Variants in AFF2 observed in about 807,000 individuals in gnomAD.
The protein encoded by AFF2 is AF4/FMR2 family member 2.
A neutral mutation model predicts 76.9 loss-of-function variants in AFF2; 14 were observed. The observed-to-expected ratio is 0.18, with a 90% CI of 0.12 to 0.28. The LOEUF (loss-of-function observed/expected upper bound fraction) is 0.28, where lower values mean the gene tolerates loss of function less well. Among genes scored for constraint, AFF2 ranks in the 10% least tolerant of loss-of-function variants. The pLI, the probability that AFF2 is intolerant of heterozygous loss-of-function variation, is 1.00. For missense variants in AFF2, 868 were observed against 1,001.1 expected (o/e 0.87, Z 1.79); for synonymous variants, 398 against 366.7 (o/e 1.09, Z -0.98).
In AFF2 at chrX:148,745,303, T is replaced by C. The variant is rs141669692; in HGVS notation, c.1042-64573T>C. Among the ~76,000 whole-genome samples, 205 of 111,828 alleles carry C rather than the reference T, an allele frequency of 1.8e-3. 1 individual carries two copies. In the Middle Eastern group the frequency reaches 0.023, roughly 13 times the overall value. ...ATTGTTGTACATCTATTGTATGCTG[T>C]TCAGTAAATGGATGACCAGACATGA... On this transcript the variant is annotated intron_variant, in intron 3 of 20. Transcript: ENST00000370460.
intron 15 of AFF2, 56 bp from the exon 16 acceptor site, chrX:148,973,415 T>C (rs2072283369): frequency 1.7e-6 from 2 of 1,189,915 alleles, no homozygotes; most frequent in Non-Finnish European, 2.3e-6. Context: ...AACCACTCTT[T>C]TATATGAAGG....
chrX:148,774,829 G>A (rs1302487756), intron 3 of AFF2, among the ~76,000 whole-genome samples: 2 of 111,786 alleles, frequency 1.8e-5, no homozygotes, highest in East Asian at 5.6e-4. Context: ...CTTATTCTTT[G>A]GTCAAATGGC....
chrX:148,557,508 T>C (rs2053064764), intron 1 of AFF2, among the ~76,000 whole-genome samples: 1 of 111,349 alleles, frequency 9.0e-6, no homozygotes, highest in Non-Finnish European at 1.9e-5. Flanking sequence ...TAGCAGAAGG[T>C]GGAAGAACGT....
At chrX:148,617,105 G>C (rs1246141968) in intron 1 of AFF2, among the ~76,000 whole-genome samples, 10 of 111,492 alleles carry the variant, frequency 9.0e-5, no homozygotes, top group African/African-American at 3.3e-4. Context: ...GGGATGGCTG[G>C]GTCAAATGGT....
intron 13 of AFF2, among the ~76,000 whole-genome samples, chrX:148,964,681 C>T (rs147750854): frequency 3.6e-5 from 4 of 111,209 alleles, no homozygotes; most frequent in African/African-American, 6.5e-5. Flanking sequence ...ACAGAGTTTC[C>T]GTTTTGCAAG....
intron 3 of AFF2, among the ~76,000 whole-genome samples, chrX:148,750,741 ATAGT>A (rs2055487771): frequency 8.9e-6 from 1 of 112,199 alleles, no homozygotes; most frequent in Non-Finnish European, 1.9e-5. Context: ...ATAGGGTTAA[ATAGT>A]TCTTGCAAAG....
rs145871359 is a variant in AFF2 at position 148,631,017 on chromosome X, A to G, written c.48-20982A>G. Among the ~76,000 whole-genome samples, 85 of 112,270 alleles carry G rather than the reference A, an allele frequency of 7.6e-4. 1 individual carries two copies. The East Asian group carries it at 0.01, about 14-fold the overall frequency. ...TTCTCACTGCTTCCAAGTATTTGTCAATCTTCAGCCCCTTCTTACTTTCCC... is the reference window on the plus strand; with the variant it reads ...TTCTCACTGCTTCCAAGTATTTGTCGATCTTCAGCCCCTTCTTACTTTCCC... On this transcript the variant is annotated intron_variant, in intron 1 of 20. Coordinates refer to ENST00000370460, the MANE Select transcript of AFF2 (RefSeq NM_002025.4).
At chrX:148,576,793 A>ATGTGTGTGTG (rs60411417) in intron 1 of AFF2, among the ~76,000 whole-genome samples, 14 of 103,448 alleles carry the variant, frequency 1.4e-4, no homozygotes, top group African/African-American at 4.9e-4. Context: ...GTGTGTGTGT[A>ATGTGTGTGTG]TGTGTGTGTG....
chrX:148,909,823 A>G (rs782625176), intron 9 of AFF2, among the ~76,000 whole-genome samples: 3 of 112,569 alleles, frequency 2.7e-5, no homozygotes, highest in African/African-American at 9.7e-5. Flanking sequence ...TTGTATTTTA[A>G]TGCTCTGCAG....
At chrX:148,701,007 A>AATGT (rs2054785258) in intron 3 of AFF2, among the ~76,000 whole-genome samples, 4 of 83,140 alleles carry the variant, frequency 4.8e-5, no homozygotes, top group East Asian at 3.9e-4. Context: ...AGAGAGAGAG[A>AATGT]GAGAATGTGT....
At chrX:148,581,063 G>A (rs868981989) in intron 1 of AFF2, among the ~76,000 whole-genome samples, 20 of 81,882 alleles carry the variant, frequency 2.4e-4, no homozygotes, top group South Asian at 5.6e-4. Flanking sequence ...ATGTGTATAT[G>A]TATATATACA....
Position 148,994,568 on chromosome X carries a change from G to GA in AFF2, c.*3240dup, listed in dbSNP as rs1454810121. 1 of 112,214 alleles carries GA rather than the reference G, an allele frequency of 8.9e-6. No homozygotes were observed. Among genetic ancestry groups the GA allele is most frequent in the Non-Finnish European group, 1.9e-5 (1 of 53,274 alleles). 9.2% of individuals were successfully genotyped at this position (112,214 alleles called of 1,213,427 possible). ...TGCCTTTTTTTCCATGTAAGGAAAT[G>GA]AAAAGACCAAAATCTTCAGGCAAAA... On this transcript the variant is annotated 3_prime_UTR_variant, in exon 21 of 21. Transcript: ENST00000370460.
chrX:148,517,461 G>A (rs1178605456), intron 1 of AFF2, among the ~76,000 whole-genome samples: 1 of 111,607 alleles, frequency 9.0e-6, no homozygotes, highest in Admixed American at 9.5e-5. Flanking sequence ...CTTTCTTTGT[G>A]GCTGCCAGGA....
At chrX:148,573,171 A>T (rs1420175230) in intron 1 of AFF2, among the ~76,000 whole-genome samples, 3 of 111,951 alleles carry the variant, frequency 2.7e-5, no homozygotes, top group South Asian at 7.3e-4. Context: ...CCCAGCTTCC[A>T]GAAAAAGATA....
chrX:148,750,812 A>G (rs936930790), intron 3 of AFF2, among the ~76,000 whole-genome samples: 9 of 112,073 alleles, frequency 8.0e-5, no homozygotes, highest in Non-Finnish European at 1.7e-4. Flanking sequence ...TGCACATAAT[A>G]AGCAGTCAGC....
intron 1 of AFF2, among the ~76,000 whole-genome samples, chrX:148,612,691 C>T (rs976810247): frequency 1.8e-5 from 2 of 111,968 alleles, no homozygotes; most frequent in Non-Finnish European, 3.8e-5. Flanking sequence ...AACATGCTAG[C>T]TAAGGCCAGA....
chrX:148,885,911 C>G lies in AFF2; in HGVS notation c.1285C>G (p.Leu429Val), dbSNP rs782618037. Residue 429 changes from leucine to valine, a missense_variant, in exon 8 of 21, where the codon CTG becomes GTG. By Grantham distance (32) the Leu-to-Val change is conservative. This residue lies in a region of AFF2 where 532 missense variants were observed against 564.2 expected (regional missense o/e 0.94). Coordinates refer to ENST00000370460, the MANE Select transcript of AFF2 (RefSeq NM_002025.4). ...TAGGATGCTTGAGGATGACCTGAAG[C>G]TGAGCAGTGATGAAGATGACCTTGA... ...FKSMLEDDLK[L>V]SSDEDDLEPV... 1.7e-6 allele frequency: 2 copies of G among 1,210,184 alleles called. No homozygotes were observed. The highest frequency in any genetic ancestry group is 2.2e-6 in the Non-Finnish European group (2 of 894,385).
chrX:148,831,097 C>G (rs1269837883), intron 4 of AFF2, among the ~76,000 whole-genome samples: 1 of 112,374 alleles, frequency 8.9e-6, no homozygotes, highest in Admixed American at 9.4e-5. Flanking sequence ...ACCCGGCCCA[C>G]AGGTGGCCAG....
chrX:148,660,224 TA>T (rs1297349640), intron 2 of AFF2, among the ~76,000 whole-genome samples: 2 of 111,827 alleles, frequency 1.8e-5, no homozygotes, highest in African/African-American at 6.5e-5. Flanking sequence ...AAATACTTTT[TA>T]CGGTATATGG....
Sources: gnomAD v4.1 joint callset for allele counts (sites outside exome capture counted in the v4.1 genomes callset) on GRCh38, gnomAD v4.1.1 for gene constraint, gnomAD v4.1.1 regional missense constraint, MANE v1.5 for transcripts, NCBI Gene and HGNC (gene_info 2026-07-23, HGNC 2026-07-21) for gene names.